The following CCSAP variants were observed in gnomAD, a reference collection of about 807,000 sequenced individuals.
The protein encoded by CCSAP is centriole, cilia and spindle associated protein, also known as centriole, cilia and spindle-associated protein.
A neutral mutation model predicts 25.9 loss-of-function variants in CCSAP; 17 were observed. The ratio of observed to expected loss-of-function variants is 0.66; its 90% CI spans 0.45 to 0.99. The LOEUF (loss-of-function observed/expected upper bound fraction) is 0.99. Ranked by LOEUF, CCSAP falls within the 50% of genes least tolerant of loss-of-function variation. CCSAP has a pLI of 0.00. For synonymous variants in CCSAP, 169 were observed against 157.1 expected (o/e 1.08, Z -0.57); for missense variants, 339 against 367.8 (o/e 0.92, Z 0.64).
At chr1:229,328,146 C>T (rs966487450) in intron 2 of CCSAP, among the ~76,000 whole-genome samples, 1 of 152,176 alleles carries the variant, frequency 6.6e-6, no homozygotes, top group Admixed American at 6.5e-5. Flanking sequence ...AGTATAAACA[C>T]TTTGTGAGCC....
rs887998668 is a variant in CCSAP at position 229,321,765 on chromosome 1, A to G, written c.*3470T>C. 6.6e-6 allele frequency: 1 copy of G among 152,220 alleles called. No individual in the cohort carries two copies. The highest frequency in any genetic ancestry group is 2.4e-5 in the African/African-American group (1 of 41,456). The allele number at this position is 152,220 out of a possible 1,614,324, so 9.4% of individuals were successfully genotyped here. On this transcript the variant is annotated 3_prime_UTR_variant, in exon 4 of 4. Coordinates refer to ENST00000284617, the MANE Select transcript of CCSAP (RefSeq NM_145257.5). The stretch of plus-strand genomic sequence containing the variant: ...CTCCTCTTTGCTAGTAATACTTTTG[A>G]ACACTTTAAAGAAAGTACAGTCGGC...
Position 229,337,958 on chromosome 1 carries a change from A to C in CCSAP, c.367+4141T>G, listed in dbSNP as rs1178069876. ...ACAAAAACAAAATAAGCAAACAAAA[A>C]AGTGGAACAATTATCAATTTCAGGA... On this transcript the variant is annotated intron_variant, in intron 2 of 3. Transcript: ENST00000284617. 3.9e-5 allele frequency among the ~76,000 whole-genome samples: 6 copies of C among 151,970 alleles called. No homozygotes were observed. The East Asian group carries it at 1.2e-3, about 29-fold the overall frequency.
chr1:229,328,455 C>T (rs1179765747), intron 2 of CCSAP, among the ~76,000 whole-genome samples: 1 of 145,498 alleles, frequency 6.9e-6, no homozygotes, highest in African/African-American at 2.6e-5. Flanking sequence ...AGTGCATCAC[C>T]ATGCCCAGGC....
chr1:229,332,497 T>C (rs1174030575), intron 2 of CCSAP, among the ~76,000 whole-genome samples: 1 of 152,198 alleles, frequency 6.6e-6, no homozygotes, highest in Non-Finnish European at 1.5e-5. Context: ...TTCCAAACAA[T>C]AAGTGTATGT....
At chr1:229,337,422 A>G (rs1439419252) in intron 2 of CCSAP, among the ~76,000 whole-genome samples, 1 of 151,780 alleles carries the variant, frequency 6.6e-6, no homozygotes, top group Non-Finnish European at 1.5e-5. Flanking sequence ...CAAAATATCA[A>G]TCCTGGATAT....
chr1:229,338,570 CACACAG>C (rs1458318295), intron 2 of CCSAP, among the ~76,000 whole-genome samples: 1 of 150,736 alleles, frequency 6.6e-6, no homozygotes, highest in East Asian at 1.9e-4. Flanking sequence ...CACACACACA[CACACAG>C]AATTTCCTAA....
At chr1:229,340,671 G>A (rs1188799391) in intron 2 of CCSAP, 1 of 418,140 alleles carries the variant, frequency 2.4e-6, no homozygotes, top group East Asian at 3.7e-5. Context: ...GGATTCACAA[G>A]TAACATCATG....
At chr1:229,325,483 G>A in intron 3 of CCSAP, 72 bp from the exon 4 acceptor site, 1 of 1,442,302 alleles carries the variant, frequency 6.9e-7, no homozygotes, top group South Asian at 1.3e-5. Flanking sequence ...AGGTTGCAAT[G>A]AAGCTGGCTA....
At chr1:229,338,223 T>C (rs1658247133) in intron 2 of CCSAP, among the ~76,000 whole-genome samples, 1 of 152,058 alleles carries the variant, frequency 6.6e-6, no homozygotes, top group African/African-American at 2.4e-5. Context: ...AGTCAGTAGA[T>C]AATGTTCACA....
At chr1:229,326,306 A>G (rs913547098) in intron 3 of CCSAP, among the ~76,000 whole-genome samples, 4 of 152,244 alleles carry the variant, frequency 2.6e-5, no homozygotes, top group Admixed American at 2.0e-4. Flanking sequence ...CAATCAATCA[A>G]TCAGACAAAC....
intron 3 of CCSAP, among the ~76,000 whole-genome samples, chr1:229,325,771 AAGC>A (rs1228536096): frequency 6.6e-6 from 1 of 152,262 alleles, no homozygotes; most frequent in Non-Finnish European, 1.5e-5. Context: ...AGCTCATAAA[AAGC>A]AGGGAAAATA....
At position 229,324,444 on chromosome 1, in the gene CCSAP, A is replaced by AG. The variant is rs1163577319; in HGVS notation, c.*790dup. The AG allele has an allele frequency of 6.6e-6, 1 of 151,452 alleles. No individual in the cohort carries two copies. Among genetic ancestry groups the AG allele is most frequent in the Non-Finnish European group, 1.5e-5 (1 of 67,728 alleles). 9.4% of individuals were successfully genotyped at this position (151,452 alleles called of 1,614,324 possible). A position where few individuals can be genotyped will look rare whatever the true frequency, so the allele number is the denominator to read the frequency against. The stretch of plus-strand genomic sequence containing the variant: ...ATGTATTCTTTAAAAAAAAAAAAAA[A>AG]GGCAATAAAAAAAGTGAGTCTTTGA... On this transcript the variant is annotated 3_prime_UTR_variant, in exon 4 of 4. Transcript: ENST00000284617.
intron 2 of CCSAP, among the ~76,000 whole-genome samples, chr1:229,336,936 GGAAATAACATT>G (rs1658208528): frequency 6.6e-6 from 1 of 151,772 alleles, no homozygotes; most frequent in African/African-American, 2.4e-5. Flanking sequence ...AGAAATGTTG[GGAAATAACATT>G]GAAGGGTTCT....
In CCSAP at chr1:229,342,624, G is replaced by C. The variant is rs893373124; in HGVS notation, c.-48-111C>G. 1 of 435,862 alleles carries C rather than the reference G, an allele frequency of 2.3e-6. No homozygotes were observed. The highest frequency in any genetic ancestry group is 2.0e-5 in the African/African-American group (1 of 48,790). 27.0% of individuals were successfully genotyped at this position (435,862 alleles called of 1,614,324 possible). A position where few individuals can be genotyped will look rare whatever the true frequency, so the allele number is the denominator to read the frequency against. ...CGGACGGGAGCAGGGGGCGGGTCCC[G>C]GCGAGGGCGGGGAGGGGGCGGGGCG... On this transcript the variant is annotated intron_variant, in intron 1 of 3. Transcript: ENST00000284617. The surrounding 1 kb of genome is among the most constrained non-coding windows in gnomAD (Gnocchi z 7.5).
rs1657893258 is a variant in CCSAP at position 229,324,425 on chromosome 1, T to C, written c.*810A>G. On this transcript the variant is annotated 3_prime_UTR_variant, in exon 4 of 4. Transcript: ENST00000284617. ...AAGGGACTGAATCCACAGTATGTAT[T>C]CTTTAAAAAAAAAAAAAAAGGCAAT... is the stretch of plus-strand genomic sequence containing the variant. 1 of 129,236 alleles carries C rather than the reference T, an allele frequency of 7.7e-6. No individual in the cohort carries two copies. Among genetic ancestry groups the C allele is most frequent in the Non-Finnish European group, 1.8e-5 (1 of 56,988 alleles). The allele number at this position is 129,236 out of a possible 1,614,324, so 8.0% of individuals were successfully genotyped here.
In CCSAP at chr1:229,342,552, C is replaced by T. The variant is rs1009011325; in HGVS notation, c.-48-39G>A. ...TACACGACACAGAGGCCGCCCCGCC[C>T]CTCCGCCGGCCCTGCCCGCCGCGAC... On this transcript the variant is annotated intron_variant, in intron 1 of 3. Coordinates refer to ENST00000284617, the MANE Select transcript of CCSAP (RefSeq NM_145257.5). The surrounding 1 kb of genome is among the most constrained non-coding windows in gnomAD (Gnocchi z 7.5). 3.3e-6 allele frequency: 3 copies of T among 906,544 alleles called. No homozygotes were observed. In the African/African-American group the frequency reaches 5.2e-5, roughly 16 times the overall value. The allele number at this position is 906,544 out of a possible 1,614,324, so 56.2% of individuals were successfully genotyped here.
chr1:229,340,093 A>G (rs977748454), intron 2 of CCSAP, among the ~76,000 whole-genome samples: 1 of 152,222 alleles, frequency 6.6e-6, no homozygotes, highest in African/African-American at 2.4e-5. Context: ...ACGTGATTCT[A>G]TGTGCATCTA....
chr1:229,340,070 G>A (rs1180454753), intron 2 of CCSAP, among the ~76,000 whole-genome samples: 5 of 152,186 alleles, frequency 3.3e-5, no homozygotes, highest in African/African-American at 1.2e-4. Context: ...TTTGTAATAA[G>A]TCAGACAGAA....
Position 229,342,254 on chromosome 1 carries a change from C to G in CCSAP, c.212G>C (p.Gly71Ala). 2 of 1,276,992 alleles carry G rather than the reference C, an allele frequency of 1.6e-6. No individual in the cohort carries two copies. The highest frequency in any genetic ancestry group is 2.0e-6 in the Non-Finnish European group (2 of 1,014,176). The allele number at this position is 1,276,992 out of a possible 1,614,324, so 79.1% of individuals were successfully genotyped here. ...GGGCGGGGCGCACCGGGGTGCGGGG[C>G]CCCCGGCGCCCGACGACTCTGACGA... ...SASSESSGAG[G>A]PAPRCAPPSP... Residue 71 changes from glycine to alanine, a missense_variant, in exon 2 of 4, where the codon GGC becomes GCC. Gly to Ala is a moderately conservative substitution (Grantham distance 60, BLOSUM62 0). Coordinates refer to ENST00000284617, the MANE Select transcript of CCSAP (RefSeq NM_145257.5). This position sits in a 1 kb window ranked among gnomAD's most constrained non-coding sequence, Gnocchi z 7.5.
Sources: allele counts gnomAD v4.1 joint callset (sites outside exome capture counted in the v4.1 genomes callset), GRCh38; gene constraint gnomAD v4.1.1; non-coding constraint Gnocchi (gnomAD v3.1); transcripts MANE v1.5; gene names NCBI Gene and HGNC (gene_info 2026-07-23, HGNC 2026-07-21).